Variants in GRIA1 observed in about 807,000 individuals in gnomAD.
The protein encoded by GRIA1 is glutamate ionotropic receptor AMPA type subunit 1, also known as glutamate receptor 1.
In GRIA1, 31 loss-of-function variants were observed where a neutral mutation model predicts 99.2. The observed-to-expected ratio is 0.31, with a 90% CI of 0.23 to 0.42. GRIA1 has a LOEUF of 0.42. Ranked by LOEUF, GRIA1 falls within the 10% of genes least tolerant of loss-of-function variation. GRIA1 has a pLI of 1.00. For missense variants in GRIA1, 782 were observed against 1,157.5 expected (o/e 0.68, Z 4.71); for synonymous variants, 438 against 432.4 (o/e 1.01, Z -0.16).
rs75567678 is a variant in GRIA1, at chr5:153,760,119, C to T, written c.1824-4315C>T. 9.7e-3 allele frequency among the ~76,000 whole-genome samples: 1,479 copies of T among 152,112 alleles called. 15 individuals carry two copies. The highest frequency in any genetic ancestry group is 0.034 in the African/African-American group (1,393 of 41,506). On this transcript the variant is annotated intron_variant, in intron 11 of 15. Coordinates refer to ENST00000285900, the MANE Select transcript of GRIA1 (RefSeq NM_000827.4). ...AATAGGGAAAAGTTGAAAGCTTTTC[C>T]CCTAAGATATGGAACTAGACGAGGA...
chr5:153,629,735 T>A (rs1752793477), intron 2 of GRIA1, among the ~76,000 whole-genome samples: 1 of 152,376 alleles, frequency 6.6e-6, no homozygotes, highest in South Asian at 2.1e-4. Flanking sequence ...CTCTTCTCCC[T>A]CTTTAAGGGA....
At chr5:153,496,017 C>A (rs551443125) in intron 2 of GRIA1, among the ~76,000 whole-genome samples, 1 of 152,270 alleles carries the variant, frequency 6.6e-6, no homozygotes, top group East Asian at 1.9e-4. Context: ...ACTCATGCTG[C>A]TGAGAAATAT....
At chr5:153,504,430 ACTCT>A (rs927866047) in intron 2 of GRIA1, among the ~76,000 whole-genome samples, 4 of 151,700 alleles carry the variant, frequency 2.6e-5, no homozygotes, top group Non-Finnish European at 5.9e-5. Context: ...AAATACATTT[ACTCT>A]CTCTATATAT....
chr5:153,497,622 A>C (rs191063054), intron 2 of GRIA1, among the ~76,000 whole-genome samples: 1,614 of 152,254 alleles, frequency 0.011, 28 homozygotes, highest in African/African-American at 0.037. Flanking sequence ...ACTCATGATG[A>C]ACTTTTTACT....
intron 11 of GRIA1, among the ~76,000 whole-genome samples, chr5:153,709,836 G>T (rs1458555326): frequency 6.6e-6 from 1 of 152,202 alleles, no homozygotes; most frequent in Admixed American, 6.5e-5. Flanking sequence ...ATTTCTAGTG[G>T]CAAGAGAGGC....
At chr5:153,645,441 A>G (rs1420900802) in intron 2 of GRIA1, among the ~76,000 whole-genome samples, 4 of 152,206 alleles carry the variant, frequency 2.6e-5, no homozygotes, top group African/African-American at 4.8e-5. Flanking sequence ...TTATTGCAGC[A>G]TGGGCCAAAA....
At chr5:153,588,585 T>C (rs1763700759) in intron 2 of GRIA1, among the ~76,000 whole-genome samples, 1 of 152,240 alleles carries the variant, frequency 6.6e-6, no homozygotes, top group African/African-American at 2.4e-5. Flanking sequence ...TTTTCTGCCT[T>C]TGTGACCTAG....
chr5:153,686,965 C>T (rs11955520), intron 8 of GRIA1, among the ~76,000 whole-genome samples: 25,746 of 152,038 alleles, frequency 0.17, 2,461 homozygotes, highest in African/African-American at 0.25. Context: ...TTGTCTTTCA[C>T]CTCCCTGAAT....
intron 2 of GRIA1, among the ~76,000 whole-genome samples, chr5:153,504,018 A>G (rs1449311703): frequency 6.6e-6 from 1 of 152,200 alleles, no homozygotes; most frequent in Non-Finnish European, 1.5e-5. Context: ...AGTGGAAAGG[A>G]AACTTCTCTT....
intron 2 of GRIA1, among the ~76,000 whole-genome samples, chr5:153,643,010 A>G (rs1360060632): frequency 6.6e-6 from 1 of 152,132 alleles, no homozygotes; most frequent in Non-Finnish European, 1.5e-5. Context: ...ACTCCTGCAG[A>G]GTAGTGATCT....
At chr5:153,618,854 T>C (rs765472002) in intron 2 of GRIA1, among the ~76,000 whole-genome samples, 1 of 152,234 alleles carries the variant, frequency 6.6e-6, no homozygotes, top group African/African-American at 2.4e-5. Context: ...TATATTATGC[T>C]CTTTTTATAA....
intron 5 of GRIA1, among the ~76,000 whole-genome samples, chr5:153,672,610 T>C (rs545099045): frequency 2.0e-5 from 3 of 149,686 alleles, no homozygotes; most frequent in Non-Finnish European, 4.4e-5. Flanking sequence ...TTTAGAGGCA[T>C]AGGGGTGGGG....
At chr5:153,575,694 G>A (rs1762472107) in intron 2 of GRIA1, among the ~76,000 whole-genome samples, 1 of 152,184 alleles carries the variant, frequency 6.6e-6, no homozygotes, top group Non-Finnish European at 1.5e-5. Context: ...GTATAACCAA[G>A]TCTCCTGTGG....
intron 2 of GRIA1, among the ~76,000 whole-genome samples, chr5:153,552,787 A>G (rs1023060343): frequency 8.5e-5 from 13 of 152,288 alleles, no homozygotes; most frequent in East Asian, 1.9e-4. Flanking sequence ...TGGTCCCCCA[A>G]TCATATTTTG....
At chr5:153,541,624 C>T (rs1358788435) in intron 2 of GRIA1, among the ~76,000 whole-genome samples, 2 of 152,138 alleles carry the variant, frequency 1.3e-5, no homozygotes, top group Non-Finnish European at 2.9e-5. Flanking sequence ...CTGGCAACTT[C>T]TAATCCTCAT....
At chr5:153,617,201 A>G (rs1322731328) in intron 2 of GRIA1, among the ~76,000 whole-genome samples, 2 of 151,196 alleles carry the variant, frequency 1.3e-5, no homozygotes, top group African/African-American at 4.9e-5. Context: ...GAGCCAGAGA[A>G]TCAAAAGCTC....
At chr5:153,593,438 T>G (rs974365872) in intron 2 of GRIA1, among the ~76,000 whole-genome samples, 1 of 152,190 alleles carries the variant, frequency 6.6e-6, no homozygotes, top group Non-Finnish European at 1.5e-5. Flanking sequence ...AGTTTTTGAC[T>G]GTACTATGGC....
intron 2 of GRIA1, among the ~76,000 whole-genome samples, chr5:153,592,920 C>T (rs2149388047): frequency 6.6e-6 from 1 of 152,288 alleles, no homozygotes; most frequent in Non-Finnish European, 1.5e-5. Context: ...AATTGAGTCT[C>T]TTTCTCTTCT....
At chr5:153,723,536 G>A (rs370223849) in intron 11 of GRIA1, among the ~76,000 whole-genome samples, 52 of 152,278 alleles carry the variant, frequency 3.4e-4, no homozygotes, top group South Asian at 6.2e-4. Flanking sequence ...GGTCACTCCC[G>A]CCCTAATACT....
Sources: allele counts gnomAD v4.1 joint callset (sites outside exome capture counted in the v4.1 genomes callset), GRCh38; gene constraint gnomAD v4.1.1; transcripts MANE v1.5; gene names NCBI Gene and HGNC (gene_info 2026-07-23, HGNC 2026-07-21).